Variants in ITIH4 observed in about 807,000 individuals in gnomAD.
ITIH4 encodes the protein inter-alpha-trypsin inhibitor heavy chain 4, also known as inter-alpha-trypsin inhibitor heavy chain H4.
In ITIH4, 79 loss-of-function variants were observed where a neutral mutation model predicts 111.8. The observed-to-expected ratio is 0.71, with a 90% CI of 0.59 to 0.85. The LOEUF (loss-of-function observed/expected upper bound fraction) is 0.85, where lower values mean the gene tolerates loss of function less well. Ranked by LOEUF, ITIH4 falls within the 40% of genes least tolerant of loss-of-function variation. The pLI is 0.00. For synonymous variants in ITIH4, 472 were observed against 468.3 expected, an observed-to-expected ratio of 1.01 and a Z score of -0.10; for missense variants, 1,065 against 1,195.8, an observed-to-expected ratio of 0.89 and a Z score of 1.61.
At position 52,824,759 on chromosome 3, in the gene ITIH4, A is replaced by AG. The variant is rs1700456498; in HGVS notation, c.876+82dup. Reference sequence around the variant, plus strand: ...CCCCATGGTGCCGAAAGGTGAAGCAAGGGGGTCTGCCTGCCGGACCACAGC... The same window carrying AG: ...CCCCATGGTGCCGAAAGGTGAAGCAAGGGGGGTCTGCCTGCCGGACCACAGC... On this transcript the variant is annotated intron_variant, in intron 7 of 23. Coordinates refer to ENST00000266041, the MANE Select transcript of ITIH4 (RefSeq NM_002218.5). The surrounding 1 kb of genome is among the most constrained non-coding windows in gnomAD (Gnocchi z 4.3). 1 of 1,314,760 alleles carries AG rather than the reference A, an allele frequency of 7.6e-7. No individual in the cohort carries two copies. The highest frequency in any genetic ancestry group is 1.1e-6 in the Non-Finnish European group (1 of 936,798). The allele number at this position is 1,314,760 out of a possible 1,614,324, so 81.4% of individuals were successfully genotyped here.
chr3:52,830,082 T>C, intron 1 of ITIH4: 2 of 312,332 alleles, frequency 6.4e-6, no homozygotes, highest in Non-Finnish European at 1.2e-5. Flanking sequence ...TGTGCTTGGG[T>C]ATTTGCTCTG....
At position 52,823,640 on chromosome 3, in the gene ITIH4, G is replaced by A. The variant is rs1700431545; in HGVS notation, c.1455C>T (p.Leu485=). 6.2e-7 allele frequency: 1 copy of A among 1,614,102 alleles called. No individual in the cohort carries two copies. The highest frequency in any genetic ancestry group is 1.1e-5 in the South Asian group (1 of 91,092). ...EEVTQNNFRL[L]FKGSEMVVAG... ...CCACCACCATCTCTGAGCCCTTGAA[G>A]AGGAGCCGGAAGTTGTTCTGAGTGA... The change falls in exon 11 of 24, where the codon CTC becomes CTT. Residue 485 remains leucine (L), a synonymous_variant. Coordinates refer to ENST00000266041, the MANE Select transcript of ITIH4 (RefSeq NM_002218.5).
chr3:52,824,130 G>A lies in ITIH4; in HGVS notation c.1171+60C>T. On this transcript the variant is annotated intron_variant, in intron 9 of 23. Transcript: ENST00000266041. This position sits in a 1 kb window ranked among gnomAD's most constrained non-coding sequence, Gnocchi z 4.3. ...TGCCCAGATCCCACAGCAAGCCCAG[G>A]TGCAGCCCCAGCCGCCTCCCCTGTG... The A allele has an allele frequency of 1.4e-5, 23 of 1,596,228 alleles. No homozygotes were observed. Among genetic ancestry groups the A allele is most frequent in the Non-Finnish European group, 2.0e-5 (23 of 1,167,646 alleles).
Position 52,814,397 on chromosome 3 carries a change from T to C in ITIH4, c.2472-34A>G, listed in dbSNP as rs780892957. On this transcript the variant is annotated intron_variant, in intron 21 of 23. Coordinates refer to ENST00000266041, the MANE Select transcript of ITIH4 (RefSeq NM_002218.5). ...AGACCCAGTGTCTTGAGCAGGAAGG[T>C]AGAGACGTGTGCACAGAACCTCAGT... 11 of 1,601,516 alleles carry C rather than the reference T, an allele frequency of 6.9e-6. No individual in the cohort carries two copies. In the African/African-American group the frequency reaches 1.1e-4, roughly 16 times the overall value.
intron 2 of ITIH4, among the ~76,000 whole-genome samples, chr3:52,827,690 T>C (rs755590043): frequency 7.9e-5 from 12 of 152,186 alleles, no homozygotes; most frequent in Admixed American, 5.2e-4. Context: ...CTCTGAGCAC[T>C]TTCCCCCTAC....
intron 17 of ITIH4, 181 bp from the exon 18 acceptor site, chr3:52,818,717 T>C (rs1304502643): frequency 3.1e-5 from 19 of 614,402 alleles, no homozygotes; most frequent in Non-Finnish European, 4.7e-5. Flanking sequence ...AGGTCCAGCC[T>C]GGCTGTGCAG....
rs892042725 is a variant in ITIH4 at position 52,829,271 on chromosome 3, G to T, written c.99C>A (p.Ile33=). 21 of 1,609,406 alleles carry T rather than the reference G, an allele frequency of 1.3e-5. No individual in the cohort carries two copies. Among genetic ancestry groups the T allele is most frequent in the Non-Finnish European group, 1.7e-5 (20 of 1,176,450 alleles). The change falls in exon 2 of 24, where the codon ATC becomes ATA. Residue 33 remains isoleucine, a synonymous_variant. Coordinates refer to ENST00000266041, the MANE Select transcript of ITIH4 (RefSeq NM_002218.5). ...AGTCCACGGTGAGGCTGTAGATGTC[G>T]ATGCCATTCTGGACCAGCAAAGAAG... ...HQTTTAEKNG[I]DIYSLTVDSR...
intron 21 of ITIH4, among the ~76,000 whole-genome samples, chr3:52,815,371 GT>G (rs1314975215): frequency 6.6e-6 from 1 of 151,654 alleles, no homozygotes; most frequent in Non-Finnish European, 1.5e-5. Context: ...AGCCTCCCGA[GT>G]AGCTGGGATT....
chr3:52,816,421 A>G (rs984912078), intron 21 of ITIH4, among the ~76,000 whole-genome samples: 1 of 152,202 alleles, frequency 6.6e-6, no homozygotes, highest in African/African-American at 2.4e-5. Flanking sequence ...CACTATTGTC[A>G]TCAGAACATC....
In ITIH4 at chr3:52,827,204, G is replaced by A. The variant is rs780596092; in HGVS notation, c.252-7C>T. 2 of 1,609,450 alleles carry A rather than the reference G, an allele frequency of 1.2e-6. No individual in the cohort carries two copies. The highest frequency in any genetic ancestry group is 1.7e-6 in the Non-Finnish European group (2 of 1,175,836). ...GGTCATGCCATCGATGATCCTGGGG[G>A]CAGAAGGGTGGGAGTTGTTGAGAGC... On this transcript the variant is annotated splice_polypyrimidine_tract_variant and splice_region_variant and intron_variant, in intron 2 of 23. Transcript: ENST00000266041.
chr3:52,822,492 C>G (rs545572871), intron 11 of ITIH4, among the ~76,000 whole-genome samples: 2 of 152,332 alleles, frequency 1.3e-5, no homozygotes, highest in Non-Finnish European at 2.9e-5. Flanking sequence ...GAACCCACGG[C>G]CTCCAAGCTA....
At chr3:52,817,494 G>A in intron 20 of ITIH4, among the ~76,000 whole-genome samples, 1 of 152,214 alleles carries the variant, frequency 6.6e-6, no homozygotes, top group Non-Finnish European at 1.5e-5. Context: ...AGAAAGCCAT[G>A]GATGTCCCTT....
Position 52,826,786 on chromosome 3 carries a change from G to C in ITIH4, c.519+5C>G. On this transcript the variant is annotated splice_donor_5th_base_variant and intron_variant, in intron 4 of 23. Coordinates refer to ENST00000266041, the MANE Select transcript of ITIH4 (RefSeq NM_002218.5). Reference sequence around the variant, plus strand: ...GGCCTCCCTGGAAGAGGTAGCAGCAGGTACCTGCAGGTGCTTGACCAGCTG... The same window carrying C: ...GGCCTCCCTGGAAGAGGTAGCAGCACGTACCTGCAGGTGCTTGACCAGCTG... 1.2e-6 allele frequency: 2 copies of C among 1,613,728 alleles called. No homozygotes were observed. Among genetic ancestry groups the C allele is most frequent in the Non-Finnish European group, 1.7e-6 (2 of 1,179,974 alleles).
At chr3:52,817,242 T>C (rs2535619) in intron 20 of ITIH4, among the ~76,000 whole-genome samples, 184 bp from the exon 21 acceptor site, 16,577 of 152,232 alleles carry the variant, frequency 0.11, 2,785 homozygotes, top group African/African-American at 0.35. Context: ...TCTCTCCACT[T>C]GTCCCTTGGT....
At chr3:52,829,089 G>A in intron 2 of ITIH4, 30 bp downstream of exon 2, 1 of 1,541,008 alleles carries the variant, frequency 6.5e-7, no homozygotes, top group Non-Finnish European at 8.9e-7. Context: ...GGGGGGTGTG[G>A]AGAGGGGAGG....
Position 52,825,912 on chromosome 3 carries a change from G to A in ITIH4, c.733C>T (p.Arg245Trp), listed in dbSNP as rs550860646. Residue 245 changes from arginine (R) to tryptophan (W), a missense_variant, in exon 6 of 24, where the codon CGG becomes TGG. Transcript: ENST00000266041. ...TGAATGGAGCCCCCGGAGATGGCCC[G>A]GTCCACATCATAGCGGATAATGAGG... ...GNLIIRYDVDRAISGGSIQIE... is the reference protein window; with the variant it reads ...GNLIIRYDVDWAISGGSIQIE... The A allele has an allele frequency of 1.3e-5, 21 of 1,613,988 alleles. No homozygotes were observed. The highest frequency in any genetic ancestry group is 8.9e-5 in the East Asian group (4 of 44,864).
chr3:52,829,638 G>A (rs759183857), intron 1 of ITIH4, among the ~76,000 whole-genome samples: 19 of 152,210 alleles, frequency 1.2e-4, no homozygotes, highest in Non-Finnish European at 2.6e-4. Flanking sequence ...CAGCCTTTGG[G>A]CAGGGGTGAG....
At chr3:52,815,439 A>G (rs2710328) in intron 21 of ITIH4, among the ~76,000 whole-genome samples, 16,534 of 151,688 alleles carry the variant, frequency 0.11, 2,769 homozygotes, top group African/African-American at 0.35. Flanking sequence ...ACGGGGTTTC[A>G]CCATGTTGGC....
chr3:52,818,553 C>A lies in ITIH4; in HGVS notation c.2078-17G>T, dbSNP rs759997583. On this transcript the variant is annotated splice_polypyrimidine_tract_variant and intron_variant, in intron 17 of 23. Transcript: ENST00000266041. ...AAGCAGGCACTAGGGCAGGAACATC[C>A]GGAAACAGAAAGGGAGCAGGAAGGC... is the stretch of plus-strand genomic sequence containing the variant. 1 of 1,588,784 alleles carries A rather than the reference C, an allele frequency of 6.3e-7. No individual in the cohort carries two copies. The highest frequency in any genetic ancestry group is 1.8e-5 in the Admixed American group (1 of 56,166).
Sources: allele counts gnomAD v4.1 joint callset (sites outside exome capture counted in the v4.1 genomes callset), GRCh38; gene constraint gnomAD v4.1.1; non-coding constraint Gnocchi (gnomAD v3.1); transcripts MANE v1.5; gene names NCBI Gene and HGNC (gene_info 2026-07-23, HGNC 2026-07-21).